IL1R1: variants seen among roughly 807,000 people sequenced by gnomAD.
The protein encoded by IL1R1 is interleukin 1 receptor type 1.
Under a neutral mutation model 50.2 loss-of-function variants are expected in IL1R1, and 22 were observed. The observed-to-expected ratio is 0.44, with a 90% CI of 0.31 to 0.63. IL1R1 has a LOEUF of 0.63. Ranked by LOEUF, IL1R1 falls within the 20% of genes least tolerant of loss-of-function variation. The probability of loss-of-function intolerance (pLI) is 0.07; values close to 1 mark genes in which losing one functional copy is unlikely to be tolerated. For synonymous variants in IL1R1, 251 were observed against 236.7 expected, an observed-to-expected ratio of 1.06 and a Z score of -0.55; for missense variants, 509 against 676.2, an observed-to-expected ratio of 0.75 and a Z score of 2.74.
chr2:102,173,254 T>C (rs1685844775), intron 9 of IL1R1, among the ~76,000 whole-genome samples: 1 of 152,200 alleles, frequency 6.6e-6, no homozygotes, highest in Admixed American at 6.5e-5. Flanking sequence ...ATGCATAGGG[T>C]AAGACTAAAT....
At chr2:102,093,070 C>A (rs1416574977) in intron 1 of IL1R1, among the ~76,000 whole-genome samples, 1 of 152,150 alleles carries the variant, frequency 6.6e-6, no homozygotes, top group Non-Finnish European at 1.5e-5. Context: ...CACTTTTGTT[C>A]ATTAAGAATT....
At chr2:102,146,842 G>A (rs899611759) in intron 1 of IL1R1, among the ~76,000 whole-genome samples, 10 of 152,108 alleles carry the variant, frequency 6.6e-5, no homozygotes, top group African/African-American at 1.7e-4. Flanking sequence ...GTCAAGCATC[G>A]ATGGCCTCCA....
chr2:102,135,363 G>C (rs941688137), intron 1 of IL1R1, among the ~76,000 whole-genome samples: 6 of 152,204 alleles, frequency 3.9e-5, no homozygotes, highest in African/African-American at 2.4e-5. Context: ...TGGGACAGGG[G>C]ATGAAGACAC....
chr2:102,083,673 T>A (rs1679314897), intron 1 of IL1R1, among the ~76,000 whole-genome samples: 1 of 152,052 alleles, frequency 6.6e-6, no homozygotes, highest in Admixed American at 6.5e-5. Context: ...CGGCCAGGTG[T>A]GGTGGCTCAC....
chr2:102,085,322 T>A (rs559562042), intron 1 of IL1R1, among the ~76,000 whole-genome samples: 1 of 152,322 alleles, frequency 6.6e-6, no homozygotes, highest in Admixed American at 6.5e-5. Context: ...TCCTGTGCAT[T>A]TCTTTAAAGG....
chr2:102,071,734 G>C (rs1036088933), intron 1 of IL1R1, among the ~76,000 whole-genome samples: 10 of 152,152 alleles, frequency 6.6e-5, no homozygotes, highest in African/African-American at 2.4e-4. Context: ...TTTTGTAGTG[G>C]CACCAGGCTT....
At chr2:102,112,971 A>C (rs111845342) in intron 1 of IL1R1, among the ~76,000 whole-genome samples, 2,507 of 152,330 alleles carry the variant, frequency 0.016, 63 homozygotes, top group African/African-American at 0.057. Flanking sequence ...GTGAGGATAC[A>C]ATGAGAAGTC....
intron 1 of IL1R1, among the ~76,000 whole-genome samples, chr2:102,150,534 T>A (rs1683557382): frequency 2.0e-5 from 3 of 152,272 alleles, no homozygotes; most frequent in Non-Finnish European, 4.4e-5. Context: ...TGTGTGTGTG[T>A]TGCACGTGCT....
intron 1 of IL1R1, among the ~76,000 whole-genome samples, chr2:102,113,013 C>A (rs1410636932): frequency 6.6e-6 from 1 of 152,216 alleles, no homozygotes; most frequent in Non-Finnish European, 1.5e-5. Flanking sequence ...TGGGCCCTCA[C>A]CAGACACCGG....
chr2:102,136,123 G>A (rs1045846291), intron 1 of IL1R1, among the ~76,000 whole-genome samples: 2 of 152,070 alleles, frequency 1.3e-5, no homozygotes, highest in African/African-American at 4.8e-5. Context: ...CAAGATCAGT[G>A]GCTTTGGCCT....
At chr2:102,107,823 C>T (rs1237582668) in intron 1 of IL1R1, among the ~76,000 whole-genome samples, 1 of 152,176 alleles carries the variant, frequency 6.6e-6, no homozygotes, top group Non-Finnish European at 1.5e-5. Flanking sequence ...GTAACTTCTG[C>T]CAACCTAATT....
chr2:102,132,944 T>A (rs1170754268), intron 1 of IL1R1, among the ~76,000 whole-genome samples: 1 of 152,058 alleles, frequency 6.6e-6, no homozygotes, highest in Non-Finnish European at 1.5e-5. Flanking sequence ...GAAATTGAAT[T>A]TGTAGTTAAA....
At chr2:102,075,422 C>T (rs1678916172) in intron 1 of IL1R1, among the ~76,000 whole-genome samples, 1 of 151,400 alleles carries the variant, frequency 6.6e-6, no homozygotes, top group Non-Finnish European at 1.5e-5. Flanking sequence ...TGGTGATGCA[C>T]AAAATTATAA....
upstream of IL1R1, chr2:102,141,859 C>G (rs1682668012): frequency 6.6e-6 from 1 of 152,202 alleles, no homozygotes. Context: ...GGGGAAAGCC[C>G]GAGGGAGCTG....
intron 1 of IL1R1, among the ~76,000 whole-genome samples, chr2:102,131,859 C>A (rs930959518): frequency 6.6e-6 from 1 of 151,908 alleles, no homozygotes. Flanking sequence ...GTTCAGTGAA[C>A]CTTAAGAAAC....
intron 1 of IL1R1, among the ~76,000 whole-genome samples, chr2:102,151,290 A>G (rs1468615295): frequency 3.3e-5 from 5 of 152,050 alleles, no homozygotes; most frequent in African/African-American, 1.2e-4. Flanking sequence ...GGCCATCTCC[A>G]GACCCCAGTG....
At chr2:102,108,658 G>A (rs749745963) in intron 1 of IL1R1, among the ~76,000 whole-genome samples, 5 of 152,206 alleles carry the variant, frequency 3.3e-5, no homozygotes, top group Middle Eastern at 3.4e-3. Flanking sequence ...CCTAAATGGA[G>A]CTTTTCTAGG....
intron 2 of IL1R1, 83 bp downstream of exon 2, chr2:102,154,100 G>A (rs1283735991): frequency 6.6e-6 from 1 of 152,288 alleles, no homozygotes; most frequent in Non-Finnish European, 1.5e-5. Flanking sequence ...AGATCCAGGG[G>A]CCCTGGACTA....
chr2:102,127,578 T>C (rs960436921), intron 1 of IL1R1, among the ~76,000 whole-genome samples: 1 of 151,956 alleles, frequency 6.6e-6, no homozygotes, highest in African/African-American at 2.4e-5. Context: ...AGAAGTAATA[T>C]ATATAGTAAG....
Sources: gnomAD v4.1 joint callset for allele counts (sites outside exome capture counted in the v4.1 genomes callset) on GRCh38, gnomAD v4.1.1 for gene constraint, MANE v1.5 for transcripts, NCBI Gene and HGNC (gene_info 2026-07-23, HGNC 2026-07-21) for gene names.